Variants in ARID3B observed in about 807,000 individuals in gnomAD.
ARID3B encodes the protein AT-rich interactive domain-containing protein 3B.
A neutral mutation model predicts 51.9 loss-of-function variants in ARID3B; 10 were observed. That is an observed-to-expected ratio of 0.19 (90% CI 0.12 to 0.33). The LOEUF is 0.33. Ranked by LOEUF, ARID3B falls within the 10% of genes least tolerant of loss-of-function variation. The probability of loss-of-function intolerance (pLI) is 1.00; values close to 1 mark genes in which losing one functional copy is unlikely to be tolerated. For synonymous variants in ARID3B, 205 were observed against 279.5 expected (o/e 0.73, Z 2.66); for missense variants, 483 against 716.3 (o/e 0.67, Z 3.72).
chr15:74,557,763 CTT>C (rs1003341926), intron 2 of ARID3B, among the ~76,000 whole-genome samples: 11 of 145,400 alleles, frequency 7.6e-5, no homozygotes, highest in Non-Finnish European at 1.4e-4. Flanking sequence ...AAGATTTTTT[CTT>C]TTTGACTCTG....
At chr15:74,541,516 C>T (rs1203631645) in intron 1 of ARID3B, among the ~76,000 whole-genome samples, 186 bp downstream of exon 1, 1 of 152,240 alleles carries the variant, frequency 6.6e-6, no homozygotes, top group Non-Finnish European at 1.5e-5. Context: ...CCCATTAGGG[C>T]ATTTGAGATA....
chr15:74,563,185 C>A (rs1288932466), intron 2 of ARID3B, among the ~76,000 whole-genome samples: 1 of 152,198 alleles, frequency 6.6e-6, no homozygotes, highest in African/African-American at 2.4e-5. Flanking sequence ...TGTGAGAGAG[C>A]CTCAGCCTGG....
chr15:74,582,924 T>C (rs2061767111), intron 4 of ARID3B, among the ~76,000 whole-genome samples: 1 of 151,622 alleles, frequency 6.6e-6, no homozygotes, highest in African/African-American at 2.4e-5. Context: ...CCGGGTACGG[T>C]GGCTCACACC....
intron 4 of ARID3B, among the ~76,000 whole-genome samples, chr15:74,586,720 A>G (rs1389655895): frequency 1.3e-5 from 2 of 152,258 alleles, no homozygotes; most frequent in Admixed American, 6.5e-5. Context: ...TGGGTAGGTT[A>G]ATTTATTAAC....
At chr15:74,589,159 C>T (rs970394776) in intron 4 of ARID3B, among the ~76,000 whole-genome samples, 1 of 150,656 alleles carries the variant, frequency 6.6e-6, no homozygotes. Flanking sequence ...TTCCGAGTAG[C>T]TGGGACTACA....
chr15:74,597,512 T>TACACAC lies in ARID3B; in HGVS notation c.*1750_*1755dup, dbSNP rs145671041. 2 of 512,160 alleles carry TACACAC rather than the reference T, an allele frequency of 3.9e-6. No individual in the cohort carries two copies. Among genetic ancestry groups the TACACAC allele is most frequent in the Non-Finnish European group, 7.6e-6 (2 of 263,998 alleles). 31.7% of individuals were successfully genotyped at this position (512,160 alleles called of 1,614,324 possible). ...ACACTCACCCCCACTCCCACACACATACACACACACACACACATACCCCAT... is the reference window on the plus strand; with the variant it reads ...ACACTCACCCCCACTCCCACACACATACACACACACACACACACACACATACCCCAT... On this transcript the variant is annotated 3_prime_UTR_variant, in exon 9 of 9. Transcript: ENST00000346246.
At chr15:74,573,341 G>T in intron 4 of ARID3B, 137 bp downstream of exon 4, 1 of 932,528 alleles carries the variant, frequency 1.1e-6, no homozygotes. Flanking sequence ...AGTTGGTTCT[G>T]GATTTAGCCA....
chr15:74,582,190 CAG>C (rs1051200800), intron 4 of ARID3B, among the ~76,000 whole-genome samples: 3 of 149,884 alleles, frequency 2.0e-5, no homozygotes, highest in Admixed American at 6.7e-5. Context: ...TTTTTTGAGA[CAG>C]AGTCTCACTC....
At chr15:74,569,080 A>G (rs528438765) in intron 2 of ARID3B, among the ~76,000 whole-genome samples, 38 of 152,254 alleles carry the variant, frequency 2.5e-4, no homozygotes, top group African/African-American at 8.9e-4. Flanking sequence ...AGAAAAAATT[A>G]TTTCTGGGCT....
At chr15:74,595,180 G>C (rs1382736301) in intron 8 of ARID3B, among the ~76,000 whole-genome samples, 3 of 152,016 alleles carry the variant, frequency 2.0e-5, no homozygotes, top group Non-Finnish European at 2.9e-5. Context: ...TGAGTAGCTG[G>C]GACTACCCAT....
At chr15:74,590,698 C>A (rs1283419414) in intron 5 of ARID3B, among the ~76,000 whole-genome samples, 1 of 152,120 alleles carries the variant, frequency 6.6e-6, no homozygotes. Context: ...ACCAGAATGG[C>A]AAGGTTCTTG....
At chr15:74,569,102 A>G (rs1269174588) in intron 2 of ARID3B, among the ~76,000 whole-genome samples, 1 of 152,150 alleles carries the variant, frequency 6.6e-6, no homozygotes, top group East Asian at 1.9e-4. Context: ...ATAATTTTCT[A>G]GTAGTCACAC....
At chr15:74,561,514 C>A (rs183357125) in intron 2 of ARID3B, among the ~76,000 whole-genome samples, 1 of 152,264 alleles carries the variant, frequency 6.6e-6, no homozygotes, top group East Asian at 1.9e-4. Flanking sequence ...ATTACAAGAT[C>A]AGGAGGAGAC....
At chr15:74,588,103 T>G (rs927169534) in intron 4 of ARID3B, among the ~76,000 whole-genome samples, 2 of 151,576 alleles carry the variant, frequency 1.3e-5, no homozygotes, top group Non-Finnish European at 1.5e-5. Flanking sequence ...ATTCCCTGAG[T>G]GTGGTGGTGT....
At chr15:74,579,951 G>A (rs936767295) in intron 4 of ARID3B, among the ~76,000 whole-genome samples, 1 of 152,090 alleles carries the variant, frequency 6.6e-6, no homozygotes, top group African/African-American at 2.4e-5. Flanking sequence ...AGCACTTTGG[G>A]AGGCCAAGGC....
At chr15:74,562,591 A>G (rs560908534) in intron 2 of ARID3B, among the ~76,000 whole-genome samples, 44 of 152,258 alleles carry the variant, frequency 2.9e-4, no homozygotes, top group Admixed American at 2.1e-3. Context: ...GTCTCAACCA[A>G]TCCTCTCACC....
Position 74,591,756 on chromosome 15 carries a change from G to A in ARID3B, c.1362G>A (p.Gln454=). ...EEQRLVQQAF[Q]RNFFSMARQL... ...AGCGCCTGGTGCAGCAGGCCTTCCA[G>A]CGCAACTTTTTCAGCATGGCACGGC... The change falls in exon 7 of 9, where the codon CAG becomes CAA. Residue 454 remains glutamine (Q), a synonymous_variant. Coordinates refer to ENST00000346246, the MANE Select transcript of ARID3B (RefSeq NM_006465.4). This position sits in a 1 kb window ranked among gnomAD's most constrained non-coding sequence, Gnocchi z 5.8. 1.2e-6 allele frequency: 2 copies of A among 1,614,232 alleles called. No individual in the cohort carries two copies. Among genetic ancestry groups the A allele is most frequent in the South Asian group, 1.1e-5 (1 of 91,088 alleles).
chr15:74,597,857 G>A lies in ARID3B; in HGVS notation c.*2083G>A, dbSNP rs1374602226. ...AACAGCAGGGTGTCACCCAGAGCCC[G>A]ATGAGGGGTGCCAGCAGGTGCCCCC... On this transcript the variant is annotated 3_prime_UTR_variant, in exon 9 of 9. Coordinates refer to ENST00000346246, the MANE Select transcript of ARID3B (RefSeq NM_006465.4). 6.7e-5 allele frequency: 35 copies of A among 525,512 alleles called. No homozygotes were observed. The East Asian group carries it at 1.3e-3, about 19-fold the overall frequency. 32.6% of individuals were successfully genotyped at this position (525,512 alleles called of 1,614,324 possible).
chr15:74,577,085 G>A (rs190537460), intron 4 of ARID3B, among the ~76,000 whole-genome samples: 1 of 152,334 alleles, frequency 6.6e-6, no homozygotes, highest in Non-Finnish European at 1.5e-5. Context: ...AGGAGAGACT[G>A]AGGCAGGAAG....
Sources: allele counts gnomAD v4.1 joint callset (sites outside exome capture counted in the v4.1 genomes callset), GRCh38; gene constraint gnomAD v4.1.1; non-coding constraint Gnocchi (gnomAD v3.1); transcripts MANE v1.5; gene names NCBI Gene and HGNC (gene_info 2026-07-23, HGNC 2026-07-21).